The following MCTP1 variants were observed in gnomAD, a reference collection of about 807,000 sequenced individuals.
MCTP1 encodes multiple C2 and transmembrane domain-containing protein 1.
Under a neutral mutation model 120.6 loss-of-function variants are expected in MCTP1, and 69 were observed. The ratio of observed to expected loss-of-function variants is 0.57; its 90% confidence interval spans 0.47 to 0.70. MCTP1 has a LOEUF of 0.70. Ranked by LOEUF, MCTP1 falls within the 30% of genes least tolerant of loss-of-function variation. The pLI is 0.00. For missense variants in MCTP1, 1,203 were observed against 1,248.8 expected (o/e 0.96, Z 0.55); for synonymous variants, 529 against 493.1 (o/e 1.07, Z -0.96).
chr5:94,936,108 TA>T (rs751849494), intron 5 of MCTP1, among the ~76,000 whole-genome samples: 1 of 151,954 alleles, frequency 6.6e-6, no homozygotes, highest in Non-Finnish European at 1.5e-5. Flanking sequence ...GGAAGAGCAA[TA>T]AGGCTTGATT....
rs547748941 is a variant in MCTP1 at position 94,917,957 on chromosome 5, G to C, written c.1289C>G (p.Ala430Gly). Reference sequence around the variant, plus strand: ...TCTGCAGAAGCCCAGGACAGGAAGAGCTGGCCTGCCGCACGTCTGGATGGA... The same window carrying C: ...TCTGCAGAAGCCCAGGACAGGAAGACCTGGCCTGCCGCACGTCTGGATGGA... ...SLFWRTCGRP[A>G]LPVLGFCRAE... Residue 430 changes from alanine to glycine, a missense_variant, in exon 8 of 23, where the codon GCT (alanine) becomes GGT (glycine). By Grantham distance (60) the Ala-to-Gly change is moderately conservative. Coordinates refer to ENST00000515393, the MANE Select transcript of MCTP1 (RefSeq NM_024717.7). The C allele has an allele frequency of 5.0e-5, 80 of 1,613,700 alleles. No homozygotes were observed. The highest frequency in any genetic ancestry group is 6.7e-5 in the Non-Finnish European group (79 of 1,179,736).
At chr5:94,771,285 T>C (rs1774006082) in intron 19 of MCTP1, among the ~76,000 whole-genome samples, 1 of 152,178 alleles carries the variant, frequency 6.6e-6, no homozygotes, top group Admixed American at 6.5e-5. Flanking sequence ...TATGTGTGTG[T>C]GCATGTTTTG....
intron 17 of MCTP1, among the ~76,000 whole-genome samples, chr5:94,847,399 A>G (rs1004202459): frequency 6.6e-6 from 1 of 152,096 alleles, no homozygotes; most frequent in African/African-American, 2.4e-5. Context: ...GTCTTTTTCT[A>G]TACTTCTGTT....
chr5:94,986,908 T>A (rs114850921), intron 2 of MCTP1, among the ~76,000 whole-genome samples: 1,677 of 152,276 alleles, frequency 0.011, 12 homozygotes, highest in Middle Eastern at 0.024. Context: ...CACATGCACA[T>A]GCTTGGATGC....
intron 19 of MCTP1, among the ~76,000 whole-genome samples, chr5:94,764,719 C>T (rs142095862): frequency 9.7e-4 from 146 of 150,608 alleles, no homozygotes; most frequent in African/African-American, 3.3e-3. Flanking sequence ...CACTGTAGCA[C>T]CAAGACACAT....
At position 94,916,040 on chromosome 5, in the gene MCTP1, T is replaced by C. The variant is rs563727129; in HGVS notation, c.1350+1856A>G. Among the ~76,000 whole-genome samples the C allele has an allele frequency of 4.6e-5, 7 of 152,268 alleles. No homozygotes were observed. The South Asian group carries it at 1.0e-3, about 23-fold the overall frequency. ...AGAAATTTAAAAAGTTTCAAAGATA[T>C]TCTATTCAGATATTTTTTAAGTGAT... is the stretch of plus-strand genomic sequence containing the variant. On this transcript the variant is annotated intron_variant, in intron 8 of 22. Transcript: ENST00000515393.
chr5:95,069,700 C>T (rs1291473249), intron 1 of MCTP1, among the ~76,000 whole-genome samples: 6 of 138,214 alleles, frequency 4.3e-5, no homozygotes, highest in South Asian at 2.3e-4. Context: ...CCCTTCTGCC[C>T]TTTTTTTTTT....
rs189950851 is a variant in MCTP1, at chr5:94,980,295, C to G, written c.839-26934G>C. ...ACTTTCCAATGCCTTCCCGTCACAA[C>G]TAAGTGATGAATGAATAATCTTATA... On this transcript the variant is annotated intron_variant, in intron 2 of 22. Coordinates refer to ENST00000515393, the MANE Select transcript of MCTP1 (RefSeq NM_024717.7). 5.3e-5 allele frequency among the ~76,000 whole-genome samples: 8 copies of G among 152,172 alleles called. No homozygotes were observed. In the East Asian group the frequency reaches 7.7e-4, roughly 15 times the overall value.
chr5:94,801,692 T>C (rs1165340424), intron 17 of MCTP1, among the ~76,000 whole-genome samples: 3 of 152,206 alleles, frequency 2.0e-5, no homozygotes, highest in Admixed American at 6.5e-5. Flanking sequence ...GTCCATTCAT[T>C]GGTGTTAGGG....
chr5:94,792,544 TG>T (rs1402950362), intron 18 of MCTP1: 1 of 152,338 alleles, frequency 6.6e-6, no homozygotes, highest in African/African-American at 2.4e-5. Context: ...CTCTCCCAAG[TG>T]GCGAGCAATT....
At chr5:95,033,029 C>G (rs553289425) in intron 1 of MCTP1, among the ~76,000 whole-genome samples, 1 of 152,006 alleles carries the variant, frequency 6.6e-6, no homozygotes, top group African/African-American at 2.4e-5. Context: ...AAACACGCAA[C>G]CTTCCAAGAC....
intron 2 of MCTP1, among the ~76,000 whole-genome samples, chr5:95,013,760 T>A (rs954650430): frequency 1.3e-5 from 2 of 152,146 alleles, no homozygotes; most frequent in African/African-American, 4.8e-5. Context: ...GATGAAGATG[T>A]ACAAGGAGAT....
intron 16 of MCTP1, among the ~76,000 whole-genome samples, chr5:94,868,721 G>C (rs564231403): frequency 6.6e-6 from 1 of 151,920 alleles, no homozygotes; most frequent in Admixed American, 6.6e-5. Flanking sequence ...ATTTCTAACA[G>C]ACTAAAATTT....
At chr5:94,813,049 A>G (rs762150648) in intron 17 of MCTP1, among the ~76,000 whole-genome samples, 2 of 152,186 alleles carry the variant, frequency 1.3e-5, no homozygotes, top group Non-Finnish European at 2.9e-5. Context: ...GATAAGCCAC[A>G]CATCGAGAGA....
intron 17 of MCTP1, among the ~76,000 whole-genome samples, chr5:94,850,882 T>A (rs73776913): frequency 6.6e-6 from 1 of 152,288 alleles, no homozygotes; most frequent in African/African-American, 2.4e-5. Context: ...TGAACAAACC[T>A]TGTGGGGGAA....
At chr5:95,200,036 C>CT (rs758636380) in intron 1 of MCTP1, among the ~76,000 whole-genome samples, 2 of 151,898 alleles carry the variant, frequency 1.3e-5, no homozygotes, top group Non-Finnish European at 2.9e-5. Context: ...TGGCACGTGC[C>CT]TGCAATCGCA....
intron 12 of MCTP1, among the ~76,000 whole-genome samples, chr5:94,883,281 T>C (rs995989304): frequency 3.9e-5 from 6 of 152,216 alleles, no homozygotes; most frequent in Non-Finnish European, 5.9e-5. Context: ...TGATGCATTA[T>C]AAATTGGATA....
intron 18 of MCTP1, chr5:94,792,902 C>A (rs1779276239): frequency 1.3e-5 from 2 of 152,100 alleles, no homozygotes; most frequent in Non-Finnish European, 2.9e-5. Context: ...TATAGAACAT[C>A]CACTTAAACT....
At chr5:95,101,796 CACAA>C (rs778839187) in intron 1 of MCTP1, among the ~76,000 whole-genome samples, 1 of 152,202 alleles carries the variant, frequency 6.6e-6, no homozygotes, top group Non-Finnish European at 1.5e-5. Flanking sequence ...CTGAATTATT[CACAA>C]ACAGGCTAAA....
Sources: allele counts gnomAD v4.1 joint callset (sites outside exome capture counted in the v4.1 genomes callset), GRCh38; gene constraint gnomAD v4.1.1; transcripts MANE v1.5; gene names NCBI Gene and HGNC (gene_info 2026-07-23, HGNC 2026-07-21).